CADM2: variants seen among roughly 807,000 people sequenced by gnomAD.
CADM2 encodes the protein immunoglobulin superfamily member 4D.
Under a neutral mutation model 49.8 loss-of-function variants are expected in CADM2, and 12 were observed. The ratio of observed to expected loss-of-function variants is 0.24; its 90% CI spans 0.15 to 0.39. The LOEUF is 0.39. Ranked by LOEUF, CADM2 falls within the 10% of genes least tolerant of loss-of-function variation. The probability of loss-of-function intolerance (pLI) is 1.00; values close to 1 mark genes in which losing one functional copy is unlikely to be tolerated. For synonymous variants in CADM2, 214 were observed against 175.4 expected, an observed-to-expected ratio of 1.22 and a Z score of -1.74; for missense variants, 378 against 492.3, an observed-to-expected ratio of 0.77 and a Z score of 2.20.
chr3:86,033,801 A>G (rs1734836711), intron 8 of CADM2, among the ~76,000 whole-genome samples: 3 of 146,878 alleles, frequency 2.0e-5, no homozygotes, highest in African/African-American at 7.4e-5. Context: ...TGCATATAGT[A>G]TATATAATAT....
intron 1 of CADM2, among the ~76,000 whole-genome samples, chr3:85,188,619 G>A (rs1010406209): frequency 4.0e-5 from 6 of 151,854 alleles, no homozygotes; most frequent in African/African-American, 1.5e-4. Flanking sequence ...TATCCTGTGG[G>A]TGTCAATCAG....
intron 1 of CADM2, among the ~76,000 whole-genome samples, chr3:85,458,620 C>T (rs556511873): frequency 2.6e-4 from 39 of 152,140 alleles, no homozygotes; most frequent in African/African-American, 8.2e-4. Flanking sequence ...AACTCTAGGA[C>T]GAGAGGAGTG....
chr3:85,007,680 A>G (rs1341595335), intron 1 of CADM2, among the ~76,000 whole-genome samples: 1 of 152,182 alleles, frequency 6.6e-6, no homozygotes, highest in African/African-American at 2.4e-5. Flanking sequence ...GAACACAAAC[A>G]CAAAAAATAC....
intron 8 of CADM2, among the ~76,000 whole-genome samples, chr3:86,030,960 G>T (rs1440358270): frequency 6.6e-6 from 1 of 151,750 alleles, no homozygotes; most frequent in Non-Finnish European, 1.5e-5. Context: ...TAGGAATTCT[G>T]ATTAAAATTT....
rs11331703 is a variant in CADM2, at chr3:85,347,223, C to CAAAAAA, written c.62-379277_62-379272dup. On this transcript the variant is annotated intron_variant, in intron 1 of 9. Coordinates refer to ENST00000383699, the MANE Select transcript of CADM2 (RefSeq NM_001167675.2). ...GTCAACAGAGTGACACTCTGTCTCA[C>CAAAAAA]AAAAAAAAAAAAAAAAAAAAAAAAA... Among the ~76,000 whole-genome samples the CAAAAAA allele has an allele frequency of 2.8e-3, 131 of 46,156 alleles. 8 individuals carry two copies. The highest frequency in any genetic ancestry group is 6.0e-3 in the East Asian group (6 of 1,008). The allele number at this position is 46,156 out of a possible 152,430, so 30.3% of individuals were successfully genotyped here.
chr3:85,456,779 A>G (rs1010168623), intron 1 of CADM2, among the ~76,000 whole-genome samples: 4 of 151,956 alleles, frequency 2.6e-5, no homozygotes, highest in African/African-American at 9.7e-5. Context: ...AGTAGTATGA[A>G]AATGTGGATT....
At chr3:85,993,414 A>G (rs1202637282) in intron 8 of CADM2, 2 of 152,160 alleles carry the variant, frequency 1.3e-5, no homozygotes, top group Admixed American at 6.5e-5. Context: ...GAAGTCTTGA[A>G]TGTCTCAAAG....
intron 7 of CADM2, among the ~76,000 whole-genome samples, chr3:85,954,107 C>G (rs1041022838): frequency 2.0e-5 from 3 of 150,742 alleles, no homozygotes; most frequent in Admixed American, 6.7e-5. Context: ...TAAAGAATTG[C>G]TGCCATAAAA....
intron 8 of CADM2, among the ~76,000 whole-genome samples, chr3:86,050,487 C>G (rs891938626): frequency 6.6e-6 from 1 of 152,170 alleles, no homozygotes; most frequent in Non-Finnish European, 1.5e-5. Flanking sequence ...AGGCAGTGCC[C>G]CAGTGGGGAC....
At chr3:85,193,477 T>C (rs2041262073) in intron 1 of CADM2, among the ~76,000 whole-genome samples, 1 of 152,120 alleles carries the variant, frequency 6.6e-6, no homozygotes, top group Non-Finnish European at 1.5e-5. Context: ...CTTTATGTGA[T>C]AGATTTTCCT....
At chr3:86,002,353 T>C (rs900427858) in intron 8 of CADM2, among the ~76,000 whole-genome samples, 2 of 152,168 alleles carry the variant, frequency 1.3e-5, no homozygotes, top group Non-Finnish European at 2.9e-5. Context: ...TCCCCTTTCA[T>C]TTATGCCATT....
At chr3:85,508,706 A>C (rs182414938) in intron 1 of CADM2, among the ~76,000 whole-genome samples, 1 of 152,300 alleles carries the variant, frequency 6.6e-6, no homozygotes, top group East Asian at 1.9e-4. Flanking sequence ...TTTTAAGTTT[A>C]ATAATGAATA....
Position 85,912,360 on chromosome 3 carries a change from A to G in CADM2, c.530-13A>G. ...AAAGGTGTCACATTTTAAAATTCATATTTTATTTTCAGATGTAAAATATTT... is the reference window on the plus strand; with the variant it reads ...AAAGGTGTCACATTTTAAAATTCATGTTTTATTTTCAGATGTAAAATATTT... On this transcript the variant is annotated splice_polypyrimidine_tract_variant and intron_variant, in intron 5 of 9. Transcript: ENST00000383699. 1 of 1,586,894 alleles carries G rather than the reference A, an allele frequency of 6.3e-7. No homozygotes were observed. The highest frequency in any genetic ancestry group is 8.6e-7 in the Non-Finnish European group (1 of 1,163,018).
intron 1 of CADM2, among the ~76,000 whole-genome samples, chr3:85,354,794 C>G (rs1453126123): frequency 6.6e-6 from 1 of 152,000 alleles, no homozygotes; most frequent in Non-Finnish European, 1.5e-5. Context: ...AGCCTGGGCT[C>G]TGGCAGAAGA....
chr3:85,222,583 C>G (rs192500615), intron 1 of CADM2, among the ~76,000 whole-genome samples: 1 of 152,140 alleles, frequency 6.6e-6, no homozygotes, highest in African/African-American at 2.4e-5. Flanking sequence ...TAATCTGTAA[C>G]ATGTGTAATC....
rs2041677087 is a variant in CADM2 at position 85,207,507 on chromosome 3, A to G, written c.61+247839A>G. 2.0e-5 allele frequency among the ~76,000 whole-genome samples: 3 copies of G among 152,270 alleles called. No homozygotes were observed. The South Asian group carries it at 6.2e-4, about 32-fold the overall frequency. ...ATTTCATATCAGTTGCCATAGTAAA[A>G]TCTTCCTTCCAAGGAAATCTCAAAT... On this transcript the variant is annotated intron_variant, in intron 1 of 9. Coordinates refer to ENST00000383699, the MANE Select transcript of CADM2 (RefSeq NM_001167675.2).
At chr3:85,439,129 A>G (rs1009471035) in intron 1 of CADM2, among the ~76,000 whole-genome samples, 2 of 151,716 alleles carry the variant, frequency 1.3e-5, no homozygotes, top group African/African-American at 4.8e-5. Flanking sequence ...AAAGTTCACA[A>G]GTGACTTAAT....
chr3:85,528,949 G>T (rs1278235266), intron 1 of CADM2, among the ~76,000 whole-genome samples: 10 of 152,102 alleles, frequency 6.6e-5, no homozygotes, highest in Non-Finnish European at 2.9e-5. Context: ...ACTGAACCTG[G>T]AAATAGTTAG....
At chr3:85,654,857 A>G (rs2065149563) in intron 1 of CADM2, among the ~76,000 whole-genome samples, 1 of 152,194 alleles carries the variant, frequency 6.6e-6, no homozygotes, top group South Asian at 2.1e-4. Flanking sequence ...ATTGACCACA[A>G]TACTTTAAAC....
Sources: gnomAD v4.1 joint callset for allele counts (sites outside exome capture counted in the v4.1 genomes callset) on GRCh38, gnomAD v4.1.1 for gene constraint, MANE v1.5 for transcripts, NCBI Gene and HGNC (gene_info 2026-07-23, HGNC 2026-07-21) for gene names.